Variants in SH3RF3 observed in about 807,000 individuals in gnomAD.
The protein encoded by SH3RF3 is E3 ubiquitin-protein ligase SH3RF3.
SH3RF3 carries 29 observed loss-of-function variants against 66.3 expected under a neutral mutation model. The ratio of observed to expected loss-of-function variants is 0.44; its 90% CI spans 0.33 to 0.60. The LOEUF (loss-of-function observed/expected upper bound fraction) is 0.60. Ranked by LOEUF, SH3RF3 falls within the 20% of genes least tolerant of loss-of-function variation. SH3RF3 has a pLI of 0.04. For synonymous variants in SH3RF3, 583 were observed against 532.0 expected, an observed-to-expected ratio of 1.10 and a Z score of -1.32; for missense variants, 1,194 against 1,190.9, an observed-to-expected ratio of 1.00 and a Z score of -0.04.
chr2:109,425,800 G>A (rs1295796942), intron 5 of SH3RF3, among the ~76,000 whole-genome samples: 3 of 152,320 alleles, frequency 2.0e-5, no homozygotes, highest in Non-Finnish European at 4.4e-5. Flanking sequence ...TTGTTTTCAT[G>A]CCTGCTGACA....
intron 1 of SH3RF3, among the ~76,000 whole-genome samples, chr2:109,329,832 A>T (rs574963889): frequency 5.1e-4 from 77 of 152,306 alleles, no homozygotes; most frequent in African/African-American, 1.7e-3. Flanking sequence ...CCAGTTTTGT[A>T]AGGTTTGGAA....
At chr2:109,386,384 C>G (rs1203330506) in intron 3 of SH3RF3, among the ~76,000 whole-genome samples, 4 of 151,992 alleles carry the variant, frequency 2.6e-5, no homozygotes, top group Non-Finnish European at 5.9e-5. Context: ...GGACCAAACA[C>G]CAGGGGGCCG....
intron 4 of SH3RF3, among the ~76,000 whole-genome samples, chr2:109,406,228 G>A (rs1676449485): frequency 6.6e-6 from 1 of 152,176 alleles, no homozygotes; most frequent in African/African-American, 2.4e-5. Flanking sequence ...GTTAATCAGA[G>A]GAGAGGGAAA....
intron 1 of SH3RF3, among the ~76,000 whole-genome samples, chr2:109,204,656 C>T (rs765600108): frequency 6.6e-6 from 1 of 152,214 alleles, no homozygotes; most frequent in Non-Finnish European, 1.5e-5. Flanking sequence ...TTGCCAGGGA[C>T]CTGCTGGCAG....
At chr2:109,475,829 G>A (rs939648201) in intron 8 of SH3RF3, among the ~76,000 whole-genome samples, 12 of 152,192 alleles carry the variant, frequency 7.9e-5, no homozygotes, top group South Asian at 2.1e-4. Flanking sequence ...GCACTCTGGG[G>A]CCTGGCTGCC....
intron 4 of SH3RF3, among the ~76,000 whole-genome samples, chr2:109,406,887 C>T (rs761088826): frequency 3.3e-5 from 5 of 152,154 alleles, no homozygotes; most frequent in African/African-American, 7.2e-5. Flanking sequence ...GAGGGGTGGG[C>T]ACATGGAGTC....
intron 8 of SH3RF3, among the ~76,000 whole-genome samples, chr2:109,478,214 G>T (rs775832179): frequency 6.6e-6 from 1 of 152,234 alleles, no homozygotes; most frequent in South Asian, 2.1e-4. Context: ...CACACTTCAC[G>T]CTGGCTCCCA....
intron 1 of SH3RF3, among the ~76,000 whole-genome samples, chr2:109,229,185 G>T (rs1035806718): frequency 1.3e-5 from 2 of 152,148 alleles, no homozygotes; most frequent in Non-Finnish European, 2.9e-5. Flanking sequence ...CAGGGACAAA[G>T]ACCAAATATG....
chr2:109,192,621 G>A (rs1678395131), intron 1 of SH3RF3, among the ~76,000 whole-genome samples: 2 of 152,202 alleles, frequency 1.3e-5, no homozygotes, highest in Non-Finnish European at 1.5e-5. Flanking sequence ...AGAGAAGCTG[G>A]AAGTAAATAT....
rs1473818734 is a variant in SH3RF3, at chr2:109,490,767, G to T, written c.2311G>T (p.Gly771Cys). The T allele has an allele frequency of 1.3e-6, 2 of 1,536,496 alleles. No homozygotes were observed. The highest frequency in any genetic ancestry group is 2.7e-5 in the African/African-American group (2 of 73,142). ...CGAAGTGTCCTCACTGTCCATCCAC[G>T]GCAGGGCAGGGTCCTGCCCCATAGA... ...GPEVSSLSIH[G>C]RAGSCPIESE... Residue 771 changes from glycine to cysteine, a missense_variant, in exon 9 of 10, where the codon GGC (glycine) becomes TGC (cysteine). Physicochemically the swap from Gly to Cys is radical, Grantham distance 159. Transcript: ENST00000309415.
At chr2:109,349,672 C>A (rs991251901) in intron 2 of SH3RF3, among the ~76,000 whole-genome samples, 7 of 152,324 alleles carry the variant, frequency 4.6e-5, no homozygotes, top group African/African-American at 1.7e-4. Flanking sequence ...AGAGCCGAGG[C>A]CCTCCTCCAG....
chr2:109,455,951 A>G (rs1206067501), intron 8 of SH3RF3, among the ~76,000 whole-genome samples: 1 of 152,218 alleles, frequency 6.6e-6, no homozygotes, highest in Non-Finnish European at 1.5e-5. Context: ...CCTCACCCAG[A>G]ACTGATTCAC....
chr2:109,339,375 A>G lies in SH3RF3; in HGVS notation c.574-8299A>G, dbSNP rs183188322. On this transcript the variant is annotated intron_variant, in intron 1 of 9. Coordinates refer to ENST00000309415, the MANE Select transcript of SH3RF3 (RefSeq NM_001099289.3). ...GGTTTGGGTTGAAATAAGGACCTAC[A>G]AGGAATCCTCTGCCTTTAGTCCCCT... is the stretch of plus-strand genomic sequence containing the variant. 1.8e-4 allele frequency among the ~76,000 whole-genome samples: 28 copies of G among 152,244 alleles called. No individual in the cohort carries two copies. The East Asian group carries it at 5.4e-3, about 29-fold the overall frequency.
intron 8 of SH3RF3, among the ~76,000 whole-genome samples, chr2:109,454,458 C>T (rs139799672): frequency 7.9e-5 from 12 of 152,288 alleles, no homozygotes; most frequent in African/African-American, 2.2e-4. Context: ...TGCTCCTTGC[C>T]TCCTCGGGGT....
intron 4 of SH3RF3, among the ~76,000 whole-genome samples, chr2:109,405,248 C>T (rs965611222): frequency 2.6e-5 from 4 of 152,304 alleles, no homozygotes; most frequent in South Asian, 2.1e-4. Flanking sequence ...CCCCTCTTTC[C>T]GCAAACCTGC....
intron 4 of SH3RF3, among the ~76,000 whole-genome samples, chr2:109,413,652 C>T (rs925476043): frequency 6.6e-6 from 1 of 152,216 alleles, no homozygotes; most frequent in Admixed American, 6.5e-5. Flanking sequence ...CCCCACATTC[C>T]CCTCCCTATT....
chr2:109,282,738 T>C (rs1165713061), intron 1 of SH3RF3, among the ~76,000 whole-genome samples: 1 of 152,206 alleles, frequency 6.6e-6, no homozygotes, highest in Non-Finnish European at 1.5e-5. Context: ...TTTCATAGTT[T>C]AGTCCTCAGA....
At chr2:109,354,656 G>T (rs893209376) in intron 2 of SH3RF3, among the ~76,000 whole-genome samples, 1 of 152,252 alleles carries the variant, frequency 6.6e-6, no homozygotes, top group Non-Finnish European at 1.5e-5. Context: ...CTTTGTAGTG[G>T]TGTCAAAGGG....
In SH3RF3 at chr2:109,255,199, A is replaced by G. The variant is rs369231674; in HGVS notation, c.574-92475A>G. On this transcript the variant is annotated intron_variant, in intron 1 of 9. Transcript: ENST00000309415. ...GTGTGTGTGGCATTTCACTTTCCTAATCAATTTAGGCAACCTGTTGGGGCT... is the reference window on the plus strand; with the variant it reads ...GTGTGTGTGGCATTTCACTTTCCTAGTCAATTTAGGCAACCTGTTGGGGCT... 4.2e-4 allele frequency among the ~76,000 whole-genome samples: 64 copies of G among 152,204 alleles called. 1 individual carries two copies. In the South Asian group the frequency reaches 0.013, roughly 31 times the overall value.
Sources: allele counts gnomAD v4.1 joint callset (sites outside exome capture counted in the v4.1 genomes callset), GRCh38; gene constraint gnomAD v4.1.1; transcripts MANE v1.5; gene names NCBI Gene and HGNC (gene_info 2026-07-23, HGNC 2026-07-21).